Variants in PPP2R5C observed in about 807,000 individuals in gnomAD.
PPP2R5C encodes the protein serine/threonine-protein phosphatase 2A 56 kDa regulatory subunit gamma isoform.
A neutral mutation model predicts 68.9 loss-of-function variants in PPP2R5C; 7 were observed. The ratio of observed to expected loss-of-function variants is 0.10; its 90% CI spans 0.06 to 0.19. The LOEUF (loss-of-function observed/expected upper bound fraction) is 0.19, where lower values mean the gene tolerates loss of function less well. PPP2R5C is among the 10% of genes least tolerant of loss of function. The pLI, the probability that PPP2R5C is intolerant of heterozygous loss-of-function variation, is 1.00. For synonymous variants in PPP2R5C, 210 were observed against 222.2 expected (o/e 0.95, Z 0.49); for missense variants, 348 against 641.3 (o/e 0.54, Z 4.94).
chr14:101,867,613 A>G (rs1448962124), intron 2 of PPP2R5C, among the ~76,000 whole-genome samples: 4 of 151,860 alleles, frequency 2.6e-5, no homozygotes, highest in African/African-American at 9.7e-5. Flanking sequence ...CCTCATCTCT[A>G]CTAAAAATAT....
chr14:101,883,565 A>G lies in PPP2R5C; in HGVS notation c.629+3A>G, dbSNP rs1285064525. The G allele has an allele frequency of 2.5e-6, 4 of 1,612,388 alleles. No homozygotes were observed. Among genetic ancestry groups the G allele is most frequent in the Non-Finnish European group, 2.5e-6 (3 of 1,179,588 alleles). On this transcript the variant is annotated splice_donor_region_variant and intron_variant, in intron 5 of 13. Coordinates refer to ENST00000334743, the Ensembl canonical transcript of PPP2R5C. Reference sequence around the variant, plus strand: ...CAGATAAATAATATATTTTATAGGTAAGTCACGTGTGGATGGCGTTGTCCT... The same window carrying G: ...CAGATAAATAATATATTTTATAGGTGAGTCACGTGTGGATGGCGTTGTCCT...
chr14:101,783,539 G>T (rs1311825716), intron 2 of PPP2R5C, among the ~76,000 whole-genome samples: 2 of 151,848 alleles, frequency 1.3e-5, no homozygotes, highest in African/African-American at 4.8e-5. Context: ...AGAGAATGGA[G>T]TGGGGCATGG....
intron 13 of PPP2R5C, among the ~76,000 whole-genome samples, chr14:101,922,977 G>A (rs1332463438): frequency 1.3e-5 from 2 of 152,130 alleles, no homozygotes; most frequent in East Asian, 1.9e-4. Flanking sequence ...CAGCATTTAC[G>A]GTTTACATTG....
intron 7 of PPP2R5C, among the ~76,000 whole-genome samples, chr14:101,893,997 C>T (rs1340326689): frequency 6.6e-6 from 1 of 152,218 alleles, no homozygotes; most frequent in African/African-American, 2.4e-5. Flanking sequence ...CTGCCAGGCC[C>T]CACTTTCAGA....
intron 1 of PPP2R5C, chr14:101,836,514 T>C (rs2041112418): frequency 1.7e-6 from 1 of 586,906 alleles, no homozygotes; most frequent in South Asian, 2.1e-5. Flanking sequence ...CAGATAGTTC[T>C]TTTTCAAAAT....
chr14:101,775,812 C>T (rs2139997563), intron 2 of PPP2R5C, among the ~76,000 whole-genome samples: 1 of 152,300 alleles, frequency 6.6e-6, no homozygotes, highest in South Asian at 2.1e-4. Flanking sequence ...GCCACCTCAT[C>T]TTTCCTTGTC....
At chr14:101,903,018 T>G (rs1015543774) in intron 9 of PPP2R5C, among the ~76,000 whole-genome samples, 2 of 149,064 alleles carry the variant, frequency 1.3e-5, no homozygotes, top group African/African-American at 5.0e-5. Context: ...GTTTTGGGTT[T>G]TTTTTTTTTT....
chr14:101,764,138 G>A (rs546402513), intron 2 of PPP2R5C, among the ~76,000 whole-genome samples: 1 of 152,200 alleles, frequency 6.6e-6, no homozygotes, highest in Non-Finnish European at 1.5e-5. Flanking sequence ...ACTTGACCAA[G>A]GTTGATGCTG....
intron 2 of PPP2R5C, among the ~76,000 whole-genome samples, chr14:101,870,590 A>G (rs1272400172): frequency 1.3e-5 from 2 of 152,222 alleles, no homozygotes; most frequent in Admixed American, 6.5e-5. Flanking sequence ...TGTGACTGCT[A>G]TAACCTCTTT....
chr14:101,797,176 G>T lies in PPP2R5C; in HGVS notation c.259+10993G>T. ...AATCGTACAGTATCTGTCTTTCTGT[G>T]CCTGGCTTATTTCCCTAAACATAAT... is the stretch of plus-strand genomic sequence containing the variant. On this transcript the variant is annotated intron_variant, in intron 3 of 14. Transcript: ENST00000328724. This position sits in a 1 kb window ranked among gnomAD's most constrained non-coding sequence, Gnocchi z 4.2. 2 of 455,960 alleles carry T rather than the reference G, an allele frequency of 4.4e-6. No individual in the cohort carries two copies. The highest frequency in any genetic ancestry group is 8.8e-6 in the Non-Finnish European group (2 of 226,784). 28.2% of individuals were successfully genotyped at this position (455,960 alleles called of 1,614,324 possible). A position where few individuals can be genotyped will look rare whatever the true frequency, so the allele number is the denominator to read the frequency against.
chr14:101,840,202 T>A (rs2041376793), intron 1 of PPP2R5C, among the ~76,000 whole-genome samples: 1 of 152,138 alleles, frequency 6.6e-6, no homozygotes, highest in Admixed American at 6.5e-5. Context: ...CTTTTCTCTG[T>A]TCCTGTTTAG....
intron 1 of PPP2R5C, chr14:101,843,584 T>C (rs1161678439): frequency 5.8e-6 from 1 of 171,002 alleles, no homozygotes; most frequent in East Asian, 1.8e-4. Flanking sequence ...TATTTTCCTA[T>C]TTTTTGAAGG....
intron 8 of PPP2R5C, among the ~76,000 whole-genome samples, chr14:101,900,178 C>T (rs2045595976): frequency 6.6e-6 from 1 of 152,200 alleles, no homozygotes; most frequent in Non-Finnish European, 1.5e-5. Context: ...TGAGCCACCA[C>T]GCCCAGCCTT....
intron 6 of PPP2R5C, among the ~76,000 whole-genome samples, chr14:101,892,506 T>A (rs2045011930): frequency 6.6e-6 from 1 of 152,184 alleles, no homozygotes; most frequent in Non-Finnish European, 1.5e-5. Flanking sequence ...GGGTAACACC[T>A]GTAAACCCAG....
At chr14:101,765,324 A>G in intron 2 of PPP2R5C, 1 of 694,418 alleles carries the variant, frequency 1.4e-6, no homozygotes, top group South Asian at 1.5e-5. Flanking sequence ...AAGTTGGGAC[A>G]CTTCTGTTCA....
chr14:101,893,198 C>G lies in PPP2R5C; in HGVS notation c.798+90C>G, dbSNP rs1187179393. 3.4e-6 allele frequency: 3 copies of G among 877,476 alleles called. No individual in the cohort carries two copies. The African/African-American group carries it at 5.1e-5, about 15-fold the overall frequency. 54.4% of individuals were successfully genotyped at this position (877,476 alleles called of 1,614,324 possible). A position where few individuals can be genotyped will look rare whatever the true frequency, so the allele number is the denominator to read the frequency against. ...GTGAATCCGGCCTTGACTGAGAGTG[C>G]TTTCTTCTTTATAGGCCTGTACTAA... On this transcript the variant is annotated intron_variant, in intron 7 of 13. Coordinates refer to ENST00000334743, the Ensembl canonical transcript of PPP2R5C.
intron 5 of PPP2R5C, among the ~76,000 whole-genome samples, chr14:101,886,461 TGTGTGC>T (rs2044522070): frequency 1.3e-5 from 2 of 152,144 alleles, no homozygotes; most frequent in Middle Eastern, 3.2e-3. Context: ...TTTCTGTAAT[TGTGTGC>T]ATGCTTTTGA....
At chr14:101,908,327 G>C (rs2046178991) in intron 10 of PPP2R5C, among the ~76,000 whole-genome samples, 1 of 152,154 alleles carries the variant, frequency 6.6e-6, no homozygotes. Context: ...TGTTAATACA[G>C]CACATCCACC....
chr14:101,779,986 T>TTA (rs2037597923), intron 2 of PPP2R5C, among the ~76,000 whole-genome samples: 1 of 152,160 alleles, frequency 6.6e-6, no homozygotes, highest in South Asian at 2.1e-4. Context: ...CAGGTCCCCA[T>TTA]TGCCCAGCCT....
Sources: allele counts gnomAD v4.1 joint callset (sites outside exome capture counted in the v4.1 genomes callset), GRCh38; gene constraint gnomAD v4.1.1; non-coding constraint Gnocchi (gnomAD v3.1); transcripts MANE v1.5; gene names NCBI Gene and HGNC (gene_info 2026-07-23, HGNC 2026-07-21).